CDHR1: variants seen among roughly 807,000 people sequenced by gnomAD.
CDHR1 encodes cadherin-related family member 1.
CDHR1 carries 61 observed loss-of-function variants against 72.1 expected under a neutral mutation model. The ratio of observed to expected loss-of-function variants is 0.85; its 90% CI spans 0.69 to 1.05. CDHR1 has a LOEUF of 1.05. Among genes scored for constraint, CDHR1 ranks in the 50% least tolerant of loss-of-function variants. The pLI, the probability that CDHR1 is intolerant of heterozygous loss-of-function variation, is 0.00. For synonymous variants in CDHR1, 470 were observed against 448.1 expected (o/e 1.05, Z -0.62); for missense variants, 1,186 against 1,115.7 (o/e 1.06, Z -0.90).
At position 84,203,013 on chromosome 10, in the gene CDHR1, G is replaced by A. The variant is rs1413854773; in HGVS notation, c.673G>A (p.Val225Met). ...TGGGAGGCTTCATGGGGCTGATGTGGTGTTCTCAGCCACCACCACGGTCAC... is the reference window on the plus strand; with the variant it reads ...TGGGAGGCTTCATGGGGCTGATGTGATGTTCTCAGCCACCACCACGGTCAC... The part of the protein sequence containing the change: ...GGGRLHGADV[V>M]FSATTTVTVN... Residue 225 changes from valine (V) to methionine (M), a missense_variant, in exon 8 of 17, where the codon GTG (valine) becomes ATG (methionine). Val to Met is a conservative substitution (Grantham distance 21). Coordinates refer to ENST00000623527, the MANE Select transcript of CDHR1 (RefSeq NM_033100.4). 3 of 1,614,204 alleles carry A rather than the reference G, an allele frequency of 1.9e-6. No individual in the cohort carries two copies. In the Admixed American group the frequency reaches 5.0e-5, roughly 27 times the overall value.
Position 84,201,904 on chromosome 10 carries a change from T to A in CDHR1, c.623T>A (p.Ile208Asn), listed in dbSNP as rs763409556. 1.9e-6 allele frequency: 3 copies of A among 1,605,482 alleles called. No individual in the cohort carries two copies. The Admixed American group carries it at 5.0e-5, about 27-fold the overall frequency. ...TACGAGAGGTCCCGGACCCACTACA[T>A]CACCGTGGTCGCCAAGGTAACACAG... ...LDYERSRTHY[I>N]TVVAKDGGGR... is the part of the protein sequence containing the mutation. Residue 208 changes from isoleucine to asparagine, a missense_variant, in exon 7 of 17, where the codon ATC becomes AAC. Transcript: ENST00000623527.
chr10:84,200,709 C>A (rs772388489), intron 6 of CDHR1, 22 bp downstream of exon 6: 59 of 1,583,350 alleles, frequency 3.7e-5, no homozygotes, highest in Non-Finnish European at 4.9e-5. Flanking sequence ...CACACAGGAC[C>A]TAACCTGGGG....
At chr10:84,196,392 A>G (rs1353404613) in intron 2 of CDHR1, 113 bp from the exon 3 acceptor site, 1 of 1,172,540 alleles carries the variant, frequency 8.5e-7, no homozygotes, top group Non-Finnish European at 1.3e-6. Context: ...TACCTTTGGC[A>G]CTGAGTTGAA....
Position 84,200,596 on chromosome 10 carries a change from C to T in CDHR1, c.439-5C>T, listed in dbSNP as rs1842106110. ...GACCCTCCCCTGTGGCTGTGACCCC[C>T]TCAGGACATACCTGCTGGGAGCATC... On this transcript the variant is annotated splice_region_variant and splice_polypyrimidine_tract_variant and intron_variant, in intron 5 of 16. Coordinates refer to ENST00000623527, the MANE Select transcript of CDHR1 (RefSeq NM_033100.4). 6.2e-7 allele frequency: 1 copy of T among 1,606,302 alleles called. No homozygotes were observed. The highest frequency in any genetic ancestry group is 8.5e-7 in the Non-Finnish European group (1 of 1,175,718).
chr10:84,216,698 A>G lies in CDHR1; in HGVS notation c.*2077A>G, dbSNP rs1022968550. The G allele has an allele frequency of 3.0e-6, 3 of 985,376 alleles. No individual in the cohort carries two copies. Among genetic ancestry groups the G allele is most frequent in the African/African-American group, 1.7e-5 (1 of 57,254 alleles). 61.0% of individuals were successfully genotyped at this position (985,376 alleles called of 1,614,324 possible). On this transcript the variant is annotated 3_prime_UTR_variant, in exon 17 of 17. Transcript: ENST00000623527. ...GCTGAAAATTTTTGTCCAAATTGCC[A>G]TGCAGATATCTTGAACAGCAGGACA... is the stretch of plus-strand genomic sequence containing the variant.
In CDHR1 at chr10:84,215,106, C is replaced by A; in HGVS notation, c.*485C>A. On this transcript the variant is annotated 3_prime_UTR_variant, in exon 17 of 17. Coordinates refer to ENST00000623527, the MANE Select transcript of CDHR1 (RefSeq NM_033100.4). ...AAAGGAGGCTCAGCACTGTCTCAGG[C>A]TGGAGGTCAGCGAACCTCGTGGGCT... is the stretch of plus-strand genomic sequence containing the variant. 2 of 1,032,164 alleles carry A rather than the reference C, an allele frequency of 1.9e-6. No individual in the cohort carries two copies. Among genetic ancestry groups the A allele is most frequent in the East Asian group, 1.7e-4 (2 of 11,546 alleles). 63.9% of individuals were successfully genotyped at this position (1,032,164 alleles called of 1,614,324 possible).
At chr10:84,203,374 T>A (rs1188841304) in intron 8 of CDHR1, among the ~76,000 whole-genome samples, 1 of 152,034 alleles carries the variant, frequency 6.6e-6, no homozygotes, top group Non-Finnish European at 1.5e-5. Context: ...AAGAACTCTG[T>A]GCAATTGAAT....
Position 84,208,767 on chromosome 10 carries a change from C to G in CDHR1, c.1206C>G (p.Pro402=), listed in dbSNP as rs149181127. The change falls in exon 12 of 17, where the codon CCC becomes CCG. Residue 402 remains proline, a synonymous_variant. Transcript: ENST00000623527. The part of the protein sequence containing the change: ...NAKFNLQLVG[P]RGIFRVVPQT... ...AATTCAACTTGCAGCTGGTGGGACC[C>G]AGGGGCATCTTCCGAGTGGTTCCAC... 2 of 1,614,058 alleles carry G rather than the reference C, an allele frequency of 1.2e-6. No individual in the cohort carries two copies. The highest frequency in any genetic ancestry group is 2.7e-5 in the African/African-American group (2 of 74,924).
intron 12 of CDHR1, among the ~76,000 whole-genome samples, chr10:84,210,194 TG>T (rs768649898): frequency 1.3e-5 from 2 of 152,064 alleles, no homozygotes; most frequent in Admixed American, 6.6e-5. Flanking sequence ...CACTCCTGCC[TG>T]GAAATAGAGC....
chr10:84,208,730 G>C lies in CDHR1; in HGVS notation c.1169G>C (p.Gly390Ala), dbSNP rs754839227. Residue 390 changes from glycine (G) to alanine (A), a missense_variant and splice_region_variant, in exon 12 of 17, where the codon GGA becomes GCA. Physicochemically the swap from Gly to Ala is moderately conservative, Grantham distance 60. Coordinates refer to ENST00000623527, the MANE Select transcript of CDHR1 (RefSeq NM_033100.4). ...LKITVNDSDQGANAKFNLQLV... is the reference protein window; with the variant it reads ...LKITVNDSDQAANAKFNLQLV... ...GTTTCCACTCTCCAAATTCTCTAGG[G>C]AGCCAATGCCAAATTCAACTTGCAG... 11 of 1,613,922 alleles carry C rather than the reference G, an allele frequency of 6.8e-6. No homozygotes were observed. Among genetic ancestry groups the C allele is most frequent in the Non-Finnish European group, 9.3e-6 (11 of 1,179,886 alleles).
chr10:84,198,975 A>C (rs888846552), intron 4 of CDHR1, 57 bp from the exon 5 acceptor site: 23 of 1,324,868 alleles, frequency 1.7e-5, no homozygotes, highest in Non-Finnish European at 2.2e-5. Flanking sequence ...GTCGCTATCC[A>C]TTCATCCTTC....
chr10:84,219,104 A>G (rs553159069), downstream of CDHR1: 349 of 1,289,292 alleles, frequency 2.7e-4, 2 homozygotes, highest in African/African-American at 4.8e-3. Context: ...TACATGAAAA[A>G]TAGTAACTTC....
chr10:84,211,236 C>A (rs893478606), intron 13 of CDHR1, 71 bp downstream of exon 13: 36 of 1,541,602 alleles, frequency 2.3e-5, no homozygotes, highest in Non-Finnish European at 3.1e-5. Context: ...TCTGGAAGGT[C>A]ATTGCAGTTT....
chr10:84,210,690 G>A (rs1344086684), intron 12 of CDHR1, among the ~76,000 whole-genome samples: 2 of 152,114 alleles, frequency 1.3e-5, no homozygotes, highest in Non-Finnish European at 2.9e-5. Flanking sequence ...TTTTTATATG[G>A]GCTAATAAAC....
rs4933978 is a variant in CDHR1 at position 84,211,591 on chromosome 10, G to A, written c.1486-57G>A. 0.26 allele frequency: 390,316 copies of A among 1,476,056 alleles called. 54,847 individuals carry two copies. Among genetic ancestry groups the A allele is most frequent in the African/African-American group, 0.42 (30,096 of 71,902 alleles). 91.4% of individuals were successfully genotyped at this position (1,476,056 alleles called of 1,614,324 possible). The stretch of plus-strand genomic sequence containing the variant: ...TGAAAGCAACCCTCAGGGCATGGGA[G>A]CTGCCAACATACCCTGACAAAGAGG... On this transcript the variant is annotated intron_variant, in intron 13 of 16. Coordinates refer to ENST00000623527, the MANE Select transcript of CDHR1 (RefSeq NM_033100.4).
downstream of CDHR1, chr10:84,219,294 G>C: frequency 1.3e-6 from 2 of 1,549,572 alleles, no homozygotes; most frequent in South Asian, 2.4e-5. Flanking sequence ...CAGATTCTCA[G>C]AAATCCTCCC....
intron 16 of CDHR1, among the ~76,000 whole-genome samples, 190 bp from the exon 17 acceptor site, chr10:84,213,892 A>C (rs557837700): frequency 6.6e-6 from 1 of 152,272 alleles, no homozygotes; most frequent in South Asian, 2.1e-4. Flanking sequence ...TTTTCTGGAG[A>C]ACTGCATGCA....
Position 84,214,416 on chromosome 10 carries a change from C to G in CDHR1, c.2375C>G (p.Pro792Arg), listed in dbSNP as rs753211525. 1.2e-6 allele frequency: 2 copies of G among 1,613,648 alleles called. No individual in the cohort carries two copies. Among genetic ancestry groups the G allele is most frequent in the Admixed American group, 3.3e-5 (2 of 60,018 alleles). The stretch of plus-strand genomic sequence containing the variant: ...GAAAGCTCTCTGCTCCCGAGAGCTC[C>G]GGCTCTCCCTCCACCACCCAGCGTG... ...SPESSLLPRA[P>R]ALPPPPSVAP... is the part of the protein sequence containing the mutation. Residue 792 changes from proline to arginine, a missense_variant, in exon 17 of 17, where the codon CCG (proline) becomes CGG (arginine). Physicochemically the swap from Pro to Arg is moderately radical, Grantham distance 103. Coordinates refer to ENST00000623527, the MANE Select transcript of CDHR1 (RefSeq NM_033100.4).
intron 7 of CDHR1, 119 bp from the exon 8 acceptor site, chr10:84,202,861 C>A: frequency 1.8e-6 from 2 of 1,105,402 alleles, no homozygotes; most frequent in Non-Finnish European, 2.7e-6. Context: ...CAAACAGAAA[C>A]TTGGAGAGGA....
Sources: gnomAD v4.1 joint callset for allele counts (sites outside exome capture counted in the v4.1 genomes callset) on GRCh38, gnomAD v4.1.1 for gene constraint, MANE v1.5 for transcripts, NCBI Gene and HGNC (gene_info 2026-07-23, HGNC 2026-07-21) for gene names.